Variants in GPC3 observed in about 807,000 individuals in gnomAD.
GPC3 encodes glypican 3.
In GPC3, 3 loss-of-function variants were observed where a neutral mutation model predicts 34.4. That is an observed-to-expected ratio of 0.09 (90% CI 0.04 to 0.23). The LOEUF (loss-of-function observed/expected upper bound fraction) is 0.23. GPC3 is among the 10% of genes least tolerant of loss of function. The pLI, the probability that GPC3 is intolerant of heterozygous loss-of-function variation, is 1.00. For synonymous variants in GPC3, 177 were observed against 174.0 expected (o/e 1.02, Z -0.13); for missense variants, 351 against 445.6 (o/e 0.79, Z 1.91).
intron 2 of GPC3, among the ~76,000 whole-genome samples, chrX:133,816,209 T>C (rs1316877757): frequency 9.0e-6 from 1 of 110,579 alleles, no homozygotes; most frequent in Non-Finnish European, 1.9e-5. Context: ...CGTGCCACCA[T>C]GCCTGGCTAG....
intron 5 of GPC3, among the ~76,000 whole-genome samples, chrX:133,678,829 T>C (rs189408306): frequency 8.9e-6 from 1 of 111,906 alleles, no homozygotes; most frequent in East Asian, 2.8e-4. Context: ...CATTAGCCAA[T>C]TTGAGGAGGA....
At chrX:133,677,803 A>G (rs930598021) in intron 5 of GPC3, among the ~76,000 whole-genome samples, 2 of 111,519 alleles carry the variant, frequency 1.8e-5, no homozygotes, top group Non-Finnish European at 1.9e-5. Flanking sequence ...GAAGCATGGT[A>G]TGAGAGGCAG....
intron 2 of GPC3, among the ~76,000 whole-genome samples, chrX:133,821,022 A>G (rs944573597): frequency 8.9e-6 from 1 of 112,167 alleles, no homozygotes; most frequent in Non-Finnish European, 1.9e-5. Context: ...AAGTTCCACA[A>G]AAGGGGTTGT....
intron 2 of GPC3, among the ~76,000 whole-genome samples, chrX:133,914,981 A>ATATATATATG (rs1491286825): frequency 1.1e-5 from 1 of 92,312 alleles, no homozygotes; most frequent in African/African-American, 4.1e-5. Context: ...ATATATATAT[A>ATATATATATG]AAGTTTTATA....
intron 2 of GPC3, among the ~76,000 whole-genome samples, chrX:133,853,792 A>T (rs763318729): frequency 8.9e-6 from 1 of 112,307 alleles, no homozygotes; most frequent in South Asian, 3.7e-4. Flanking sequence ...AGAGCTGGCA[A>T]GGAGAATGGA....
At chrX:133,912,321 T>C (rs1057121673) in intron 2 of GPC3, among the ~76,000 whole-genome samples, 5 of 111,950 alleles carry the variant, frequency 4.5e-5, no homozygotes, top group Admixed American at 2.8e-4. Context: ...GTCCTAAGGA[T>C]TGAAGAAAGC....
At chrX:133,628,159 C>T (rs2070326658) in intron 6 of GPC3, among the ~76,000 whole-genome samples, 1 of 112,238 alleles carries the variant, frequency 8.9e-6, no homozygotes, top group Non-Finnish European at 1.9e-5. Context: ...AAACTAGACT[C>T]CAGCTATCTC....
rs766906783 is a variant in GPC3 at position 133,565,847 on chromosome X, G to A, written c.1574-29554C>T. 2.7e-5 allele frequency among the ~76,000 whole-genome samples: 3 copies of A among 112,432 alleles called. No individual in the cohort carries two copies. The South Asian group carries it at 1.1e-3, about 42-fold the overall frequency. On this transcript the variant is annotated intron_variant, in intron 7 of 7. Transcript: ENST00000370818. Reference sequence around the variant, plus strand: ...GATGCCACAGGGCAGAATAGGGAGAGTTTGAGGAAGAGACAGACCTCAATT... The same window carrying A: ...GATGCCACAGGGCAGAATAGGGAGAATTTGAGGAAGAGACAGACCTCAATT...
At chrX:133,928,636 T>A (rs2124619771) in intron 2 of GPC3, among the ~76,000 whole-genome samples, 1 of 112,153 alleles carries the variant, frequency 8.9e-6, no homozygotes, top group South Asian at 3.7e-4. Flanking sequence ...TCTTAACAGG[T>A]GTGAGGTGGT....
At position 133,754,064 on chromosome X, in the gene GPC3, T is replaced by C. The variant is rs1569426383; in HGVS notation, c.450A>G (p.Thr150=). 2.5e-6 allele frequency: 3 copies of C among 1,208,725 alleles called. No individual in the cohort carries two copies. Among genetic ancestry groups the C allele is most frequent in the Non-Finnish European group, 3.4e-6 (3 of 893,061 alleles). The change falls in exon 3 of 8, where the codon ACA becomes ACG. Residue 150 remains threonine, a synonymous_variant. Coordinates refer to ENST00000370818, the MANE Select transcript of GPC3 (RefSeq NM_004484.4). ...QAFEFVGEFF[T]DVSLYILGSD... ...AACCCAAGATGTAGAGAGACACATCTGTGAAAAATTCACCCACAAACTCAA... is the reference window on the plus strand; with the variant it reads ...AACCCAAGATGTAGAGAGACACATCCGTGAAAAATTCACCCACAAACTCAA...
intron 6 of GPC3, among the ~76,000 whole-genome samples, chrX:133,625,217 T>G (rs1410880241): frequency 9.0e-6 from 1 of 111,709 alleles, no homozygotes; most frequent in African/African-American, 3.3e-5. Context: ...TCATACTGAA[T>G]GGGGAAAAAC....
chrX:133,545,949 C>T (rs2069381752), intron 7 of GPC3, among the ~76,000 whole-genome samples: 1 of 110,593 alleles, frequency 9.0e-6, no homozygotes, highest in South Asian at 3.8e-4. Flanking sequence ...AATGGCACCA[C>T]ATGAATGAAC....
chrX:133,646,954 T>C (rs2070550717), intron 6 of GPC3, among the ~76,000 whole-genome samples: 2 of 112,127 alleles, frequency 1.8e-5, no homozygotes, highest in African/African-American at 6.5e-5. Flanking sequence ...TGTGGTATTA[T>C]TCCACTGCAT....
Position 133,723,803 on chromosome X carries a change from A to G in GPC3, c.1033-23775T>C, listed in dbSNP as rs762378321. ...CCATGCTTCTTGTACAGTCTGCAGA[A>G]CCGTGAGCCAATTAAACCTCTTTTC... On this transcript the variant is annotated intron_variant, in intron 3 of 7. Coordinates refer to ENST00000370818, the MANE Select transcript of GPC3 (RefSeq NM_004484.4). 3.9e-4 allele frequency among the ~76,000 whole-genome samples: 44 copies of G among 111,748 alleles called. No individual in the cohort carries two copies. In the Admixed American group the frequency reaches 4.1e-3, roughly 10 times the overall value.
chrX:133,857,061 T>TG (rs1309050131), intron 2 of GPC3, among the ~76,000 whole-genome samples: 1 of 111,372 alleles, frequency 9.0e-6, no homozygotes, highest in East Asian at 2.8e-4. Context: ...ATGTTTCTGT[T>TG]AGATTATCCC....
intron 2 of GPC3, among the ~76,000 whole-genome samples, chrX:133,832,617 G>A (rs143436776): frequency 9.0e-6 from 1 of 111,268 alleles, no homozygotes; most frequent in African/African-American, 3.3e-5. Context: ...AACACAGGTG[G>A]CTGGTCTCTC....
At chrX:133,573,728 A>T (rs2069651719) in intron 7 of GPC3, among the ~76,000 whole-genome samples, 1 of 112,484 alleles carries the variant, frequency 8.9e-6, no homozygotes, top group Non-Finnish European at 1.9e-5. Context: ...GAAAACCTAT[A>T]CTCTGAATAA....
intron 2 of GPC3, among the ~76,000 whole-genome samples, chrX:133,853,519 C>G (rs1603260036): frequency 8.9e-6 from 1 of 111,947 alleles, no homozygotes; most frequent in South Asian, 3.7e-4. Context: ...GAAAGATTTC[C>G]AGATGCTCAG....
At chrX:133,969,716 C>T (rs1042332226) in intron 1 of GPC3, among the ~76,000 whole-genome samples, 2 of 110,971 alleles carry the variant, frequency 1.8e-5, no homozygotes, top group African/African-American at 6.6e-5. Context: ...GCAAAAAAAC[C>T]CCAGTTTAAA....
Sources: gnomAD v4.1 joint callset for allele counts (sites outside exome capture counted in the v4.1 genomes callset) on GRCh38, gnomAD v4.1.1 for gene constraint, MANE v1.5 for transcripts, NCBI Gene and HGNC (gene_info 2026-07-23, HGNC 2026-07-21) for gene names.